Variants in VWA3B observed in about 807,000 individuals in gnomAD.
VWA3B encodes the protein von Willebrand factor A domain-containing protein 3B.
Under a neutral mutation model 158.3 loss-of-function variants are expected in VWA3B, and 138 were observed. The ratio of observed to expected loss-of-function variants is 0.87; its 90% CI spans 0.76 to 1.00. The LOEUF (loss-of-function observed/expected upper bound fraction) is 1.00, where lower values mean the gene tolerates loss of function less well. Ranked by LOEUF, VWA3B falls within the 50% of genes least tolerant of loss-of-function variation. The pLI is 0.00. For missense variants in VWA3B, 1,555 were observed against 1,565.1 expected (o/e 0.99, Z 0.11); for synonymous variants, 596 against 587.3 (o/e 1.01, Z -0.21).
intron 25 of VWA3B, among the ~76,000 whole-genome samples, chr2:98,302,511 T>C (rs771877274): frequency 5.3e-5 from 8 of 152,154 alleles, no homozygotes; most frequent in Non-Finnish European, 8.8e-5. Flanking sequence ...GTGAACTAGA[T>C]TGGTGAGCAA....
intron 7 of VWA3B, among the ~76,000 whole-genome samples, chr2:98,154,132 G>C (rs1038678781): frequency 6.6e-6 from 1 of 152,160 alleles, no homozygotes; most frequent in Non-Finnish European, 1.5e-5. Context: ...AAAGTGCTGG[G>C]GTTACAGGTG....
intron 8 of VWA3B, among the ~76,000 whole-genome samples, chr2:98,166,708 AG>A (rs1015617810): frequency 3.3e-5 from 5 of 152,004 alleles, no homozygotes; most frequent in African/African-American, 1.2e-4. Flanking sequence ...AGTTAACAGA[AG>A]GTCTTGGATG....
intron 10 of VWA3B, 93 bp downstream of exon 10, chr2:98,188,222 A>T (rs1681284695): frequency 6.7e-7 from 1 of 1,482,766 alleles, no homozygotes; most frequent in Non-Finnish European, 9.1e-7. Flanking sequence ...TTTTTAGTTG[A>T]CACATAATGA....
intron 17 of VWA3B, 114 bp downstream of exon 17, chr2:98,234,881 T>C (rs1474539718): frequency 2.2e-5 from 31 of 1,433,326 alleles, no homozygotes; most frequent in Non-Finnish European, 2.2e-5. Flanking sequence ...TGGGCCCAGA[T>C]TGCTTCCTAT....
chr2:98,330,480 AG>A, the VWA3B span, among the ~76,000 whole-genome samples: 1 of 152,188 alleles, frequency 6.6e-6, no homozygotes, highest in African/African-American at 2.4e-5. Flanking sequence ...AAATCACATC[AG>A]GTTGCACCAA....
intron 3 of VWA3B, among the ~76,000 whole-genome samples, chr2:98,118,047 T>A (rs999196283): frequency 6.6e-6 from 1 of 152,206 alleles, no homozygotes; most frequent in African/African-American, 2.4e-5. Flanking sequence ...CAGCTTAAAT[T>A]CCTTTTTAAA....
At chr2:98,225,694 C>T (rs1684868945) in intron 14 of VWA3B, among the ~76,000 whole-genome samples, 1 of 143,004 alleles carries the variant, frequency 7.0e-6, no homozygotes, top group Admixed American at 6.9e-5. Context: ...TAGAAAACCC[C>T]AGGAGATCTA....
At chr2:98,180,383 G>A (rs188794581) in intron 8 of VWA3B, among the ~76,000 whole-genome samples, 4 of 152,270 alleles carry the variant, frequency 2.6e-5, no homozygotes, top group East Asian at 3.9e-4. Flanking sequence ...GTAGAGATGC[G>A]GTTTCGCCAT....
Position 98,093,154 on chromosome 2 carries a change from G to A in VWA3B, c.62G>A (p.Trp21Ter). ...CAGCAGCTGCAGAGGCAAGAGGGAT[G>A]GATTAACACCAAAACAGACTTGGCT... ...SEQQLQRQEG[W>*]INTKTDLAEQ... is the part of the protein sequence containing the mutation. The change falls in exon 2 of 28, where the codon TGG (tryptophan) becomes TAG (stop). Residue 21 changes from tryptophan to a stop codon, truncating the protein, a stop_gained. Transcript: ENST00000477737. LOFTEE classifies it high-confidence loss of function. 3.1e-6 allele frequency: 5 copies of A among 1,614,004 alleles called. No homozygotes were observed. The highest frequency in any genetic ancestry group is 2.2e-5 in the East Asian group (1 of 44,870).
intron 6 of VWA3B, among the ~76,000 whole-genome samples, 162 bp downstream of exon 6, chr2:98,128,570 G>C (rs1314154155): frequency 6.6e-6 from 1 of 152,126 alleles, no homozygotes; most frequent in Non-Finnish European, 1.5e-5. Flanking sequence ...TCTCCGTCTT[G>C]TATTAATCAT....
At chr2:98,289,214 T>C (rs1043311856) in intron 22 of VWA3B, among the ~76,000 whole-genome samples, 7 of 152,208 alleles carry the variant, frequency 4.6e-5, no homozygotes, top group South Asian at 4.1e-4. Flanking sequence ...GATATATATA[T>C]GCATGCTTGT....
intron 21 of VWA3B, 49 bp downstream of exon 21, chr2:98,256,223 G>GT: frequency 6.3e-7 from 1 of 1,584,356 alleles, no homozygotes; most frequent in Non-Finnish European, 8.6e-7. Flanking sequence ...TGAAATTCAC[G>GT]TAACCTAAAA....
At chr2:98,128,187 A>T in intron 5 of VWA3B, 52 bp from the exon 6 acceptor site, 1 of 1,601,628 alleles carries the variant, frequency 6.2e-7, no homozygotes, top group Non-Finnish European at 8.5e-7. Flanking sequence ...TGAGACTAGT[A>T]CCAAGCTAGG....
At chr2:98,248,857 T>A (rs75873853) in intron 19 of VWA3B, among the ~76,000 whole-genome samples, 1 of 24,542 alleles carries the variant, frequency 4.1e-5, no homozygotes, top group African/African-American at 5.1e-4. Flanking sequence ...CTTTCTTTCT[T>A]TCTTTCTTTC....
intron 16 of VWA3B, among the ~76,000 whole-genome samples, chr2:98,232,388 A>T (rs933785521): frequency 2.0e-5 from 3 of 152,102 alleles, no homozygotes; most frequent in African/African-American, 7.2e-5. Flanking sequence ...ATCTAGCTAG[A>T]GGCTTTCTTG....
rs1685075280 is a variant in VWA3B at position 98,228,271 on chromosome 2, C to T, written c.2089C>T (p.Leu697Phe). ...CAGTGATCTGGAGAAGATGCAAGACCTTTATTCTGAGTCCTTGATCATGGA... is the reference window on the plus strand; with the variant it reads ...CAGTGATCTGGAGAAGATGCAAGACTTTTATTCTGAGTCCTTGATCATGGA... ...GHSDLEKMQDLYSESLIMDWW... is the reference protein window; with the variant it reads ...GHSDLEKMQDFYSESLIMDWW... Residue 697 changes from leucine to phenylalanine, a missense_variant, in exon 15 of 28, where the codon CTT becomes TTT. Coordinates refer to ENST00000477737, the MANE Select transcript of VWA3B (RefSeq NM_144992.5). 6.2e-7 allele frequency: 1 copy of T among 1,613,842 alleles called. No individual in the cohort carries two copies. The highest frequency in any genetic ancestry group is 1.7e-5 in the Admixed American group (1 of 59,976).
intron 5 of VWA3B, among the ~76,000 whole-genome samples, chr2:98,124,755 G>T (rs998380358): frequency 1.3e-5 from 2 of 152,176 alleles, no homozygotes; most frequent in African/African-American, 4.8e-5. Flanking sequence ...ACAGGCTCTG[G>T]CCAGTGGAGC....
intron 7 of VWA3B, among the ~76,000 whole-genome samples, chr2:98,147,964 G>C (rs1282593217): frequency 6.6e-6 from 1 of 151,290 alleles, no homozygotes; most frequent in Admixed American, 6.6e-5. Context: ...GCGGTGTTTG[G>C]TTTTTAGTCC....
chr2:98,240,441 A>T (rs780081841), intron 19 of VWA3B, among the ~76,000 whole-genome samples: 1 of 152,148 alleles, frequency 6.6e-6, no homozygotes, highest in Non-Finnish European at 1.5e-5. Context: ...CACATGTATA[A>T]GTCTGGCTTT....
Sources: gnomAD v4.1 joint callset for allele counts (sites outside exome capture counted in the v4.1 genomes callset) on GRCh38, gnomAD v4.1.1 for gene constraint, MANE v1.5 for transcripts, NCBI Gene and HGNC (gene_info 2026-07-23, HGNC 2026-07-21) for gene names.